Variants in CFAP69 observed in about 807,000 individuals in gnomAD.
CFAP69 encodes the protein cilia and flagella associated protein 69.
Under a neutral mutation model 123.0 loss-of-function variants are expected in CFAP69, and 92 were observed. The observed-to-expected ratio is 0.75, with a 90% CI of 0.63 to 0.89. The LOEUF (loss-of-function observed/expected upper bound fraction) is 0.89, where lower values mean the gene tolerates loss of function less well. Among genes scored for constraint, CFAP69 ranks in the 40% least tolerant of loss-of-function variants. The pLI, the probability that CFAP69 is intolerant of heterozygous loss-of-function variation, is 0.00. For missense variants in CFAP69, 1,067 were observed against 1,096.9 expected (o/e 0.97, Z 0.39); for synonymous variants, 380 against 364.3 (o/e 1.04, Z -0.49).
chr7:90,275,590 C>CTTTTTT (rs57578763), intron 9 of CFAP69, among the ~76,000 whole-genome samples: 25 of 62,072 alleles, frequency 4.0e-4, no homozygotes, highest in African/African-American at 6.6e-4. Context: ...GGCCAAAAGC[C>CTTTTTT]TTTTTTTTTT....
rs536138935 is a variant in CFAP69 at position 90,282,838 on chromosome 7, A to G, written c.1373-54A>G. Reference sequence around the variant, plus strand: ...TTGATAGATGTATAAGATATCTGATATATTTGCTTTATTTGAAATGTTTTT... The same window carrying G: ...TTGATAGATGTATAAGATATCTGATGTATTTGCTTTATTTGAAATGTTTTT... On this transcript the variant is annotated intron_variant, in intron 12 of 22. Coordinates refer to ENST00000389297, the MANE Select transcript of CFAP69 (RefSeq NM_001039706.3). 4.8e-5 allele frequency: 64 copies of G among 1,330,518 alleles called. No individual in the cohort carries two copies. The African/African-American group carries it at 9.4e-4, about 19-fold the overall frequency. 82.4% of individuals were successfully genotyped at this position (1,330,518 alleles called of 1,614,324 possible). A position where few individuals can be genotyped will look rare whatever the true frequency, so the allele number is the denominator to read the frequency against.
intron 14 of CFAP69, chr7:90,287,677 T>A (rs777684643): frequency 7.8e-5 from 77 of 985,418 alleles, no homozygotes; most frequent in Non-Finnish European, 8.8e-5. Flanking sequence ...ACCCTGTGCC[T>A]GGGCTCCTCT....
At chr7:90,321,616 G>A in the CFAP69 span, among the ~76,000 whole-genome samples, 2 of 151,738 alleles carry the variant, frequency 1.3e-5, no homozygotes, top group African/African-American at 4.9e-5. Context: ...TTCTCCCTCC[G>A]CCCACCCATG....
chr7:90,307,161 C>T (rs41278782), intron 20 of CFAP69, 63 bp downstream of exon 20: 12,561 of 1,150,796 alleles, frequency 0.011, 131 homozygotes, highest in South Asian at 0.028. Context: ...CACAAAAATA[C>T]AGTTAGATAG....
chr7:90,265,331 T>C lies in CFAP69; in HGVS notation c.387T>C (p.Asp129=). 6.2e-7 allele frequency: 1 copy of C among 1,611,826 alleles called. No individual in the cohort carries two copies. Among genetic ancestry groups the C allele is most frequent in the Non-Finnish European group, 8.5e-7 (1 of 1,178,662 alleles). The change falls in exon 5 of 23, where the codon GAT becomes GAC. Residue 129 remains aspartate (D), a synonymous_variant. Transcript: ENST00000389297. ...CATTTTTGAAAAAGAAAGTGTCGGA[T>C]GAAATAACTTATGCTGAAGATACTG... ...GLPFLKKKVS[D]EITYAEDTAN...
At chr7:90,323,315 C>T in the CFAP69 span, among the ~76,000 whole-genome samples, 1 of 151,898 alleles carries the variant, frequency 6.6e-6, no homozygotes, top group East Asian at 1.9e-4. Context: ...AAAGTGAAAT[C>T]TCCAGGGAAA....
intron 1 of CFAP69, among the ~76,000 whole-genome samples, chr7:90,247,384 G>C (rs1251905460): frequency 1.3e-5 from 2 of 152,164 alleles, no homozygotes. Context: ...CTGCCTGTGT[G>C]TGCTTCTGAG....
chr7:90,265,088 G>A (rs917549442), intron 4 of CFAP69, among the ~76,000 whole-genome samples: 5 of 151,972 alleles, frequency 3.3e-5, no homozygotes, highest in African/African-American at 1.2e-4. Context: ...CACCGCACCC[G>A]GCCCCAGAAA....
At chr7:90,303,517 C>T (rs1246704076) in intron 17 of CFAP69, 2 of 930,520 alleles carry the variant, frequency 2.1e-6, no homozygotes, top group Non-Finnish European at 2.6e-6. Flanking sequence ...GTAAATACTT[C>T]CCCTTCTGAT....
rs191574421 is a variant in CFAP69 at position 90,307,984 on chromosome 7, T to G, written c.2550+130T>G. 357 of 536,096 alleles carry G rather than the reference T, an allele frequency of 6.7e-4. 2 individuals are homozygous for G. The highest frequency in any genetic ancestry group is 5.9e-3 in the African/African-American group (296 of 50,082). 33.2% of individuals were successfully genotyped at this position (536,096 alleles called of 1,614,324 possible). ...GTACAATACCAGCACTATTAGATGC[T>G]CATATGCAATTTAGAGTGATAAGTG... On this transcript the variant is annotated intron_variant, in intron 21 of 22. Coordinates refer to ENST00000389297, the MANE Select transcript of CFAP69 (RefSeq NM_001039706.3).
intron 9 of CFAP69, among the ~76,000 whole-genome samples, chr7:90,275,067 A>C (rs1788382467): frequency 6.6e-6 from 1 of 152,140 alleles, no homozygotes; most frequent in Non-Finnish European, 1.5e-5. Flanking sequence ...CTATATATTT[A>C]AATTCACTGA....
the CFAP69 span, chr7:90,318,246 C>A: frequency 6.6e-6 from 1 of 152,070 alleles, no homozygotes; most frequent in Non-Finnish European, 1.5e-5. Context: ...AGCTTCACAT[C>A]CTTTTTGAAA....
intron 8 of CFAP69, 79 bp from the exon 9 acceptor site, chr7:90,273,908 T>A: frequency 8.9e-7 from 1 of 1,129,428 alleles, no homozygotes; most frequent in South Asian, 1.7e-5. Flanking sequence ...GGGTTAGGAT[T>A]TAAATATATG....
intron 9 of CFAP69, among the ~76,000 whole-genome samples, chr7:90,275,060 T>C (rs146871203): frequency 6.6e-6 from 1 of 152,334 alleles, no homozygotes; most frequent in East Asian, 1.9e-4. Flanking sequence ...TATTAGTCTA[T>C]ATATTTAAAT....
At chr7:90,295,437 G>A (rs993720932) in intron 15 of CFAP69, among the ~76,000 whole-genome samples, 2 of 152,138 alleles carry the variant, frequency 1.3e-5, no homozygotes, top group Admixed American at 1.3e-4. Flanking sequence ...CCCAAGGTCG[G>A]CCAACCAGTG....
At chr7:90,268,101 A>G (rs1041993506) in intron 5 of CFAP69, among the ~76,000 whole-genome samples, 185 bp from the exon 6 acceptor site, 1 of 152,184 alleles carries the variant, frequency 6.6e-6, no homozygotes, top group Non-Finnish European at 1.5e-5. Flanking sequence ...GATTCAGGGT[A>G]CTGTTTATAT....
chr7:90,276,599 G>C (rs372123742), intron 9 of CFAP69, among the ~76,000 whole-genome samples: 1 of 152,172 alleles, frequency 6.6e-6, no homozygotes, highest in South Asian at 2.1e-4. Context: ...TTCATGCTAA[G>C]TAGGAACTAC....
intron 20 of CFAP69, among the ~76,000 whole-genome samples, chr7:90,307,499 C>A (rs1323433377): frequency 6.6e-6 from 1 of 151,968 alleles, no homozygotes; most frequent in Non-Finnish European, 1.5e-5. Flanking sequence ...GGTGTTTCAG[C>A]CTTGAGTTAT....
chr7:90,279,224 C>CT lies in CFAP69; in HGVS notation c.1156-447dup, dbSNP rs921621221. On this transcript the variant is annotated intron_variant, in intron 11 of 22. Transcript: ENST00000389297. ...TGTAGTCATTACCTCAGACAAAATT[C>CT]TTTTTTATGGTACACAACTGAGTCT... is the stretch of plus-strand genomic sequence containing the variant. 7.2e-5 allele frequency among the ~76,000 whole-genome samples: 11 copies of CT among 152,026 alleles called. No homozygotes were observed. The South Asian group carries it at 1.2e-3, about 17-fold the overall frequency.
Sources: gnomAD v4.1 joint callset for allele counts (sites outside exome capture counted in the v4.1 genomes callset) on GRCh38, gnomAD v4.1.1 for gene constraint, MANE v1.5 for transcripts, NCBI Gene and HGNC (gene_info 2026-07-23, HGNC 2026-07-21) for gene names.